The following DOCK2 variants were observed in gnomAD, a reference collection of about 807,000 sequenced individuals.
The protein encoded by DOCK2 is dedicator of cytokinesis 2, also known as dedicator of cytokinesis protein 2.
DOCK2 carries 87 observed loss-of-function variants against 248.9 expected under a neutral mutation model. The observed-to-expected ratio is 0.35, with a 90% CI of 0.29 to 0.42. The LOEUF (loss-of-function observed/expected upper bound fraction) is 0.42. DOCK2 is among the 10% of genes least tolerant of loss of function. The pLI is 1.00. For missense variants in DOCK2, 1,747 were observed against 2,300.2 expected (o/e 0.76, Z 4.92); for synonymous variants, 805 against 821.6 (o/e 0.98, Z 0.35).
chr5:169,737,492 G>T lies in DOCK2; in HGVS notation c.2268-9904G>T, dbSNP rs1376135260. Reference sequence around the variant, plus strand: ...CTAGAATCCTTAGAATCTCCAAAAAGTGATGTCTTTTTGCATGCTAATGAG... The same window carrying T: ...CTAGAATCCTTAGAATCTCCAAAAATTGATGTCTTTTTGCATGCTAATGAG... On this transcript the variant is annotated intron_variant, in intron 22 of 51. Coordinates refer to ENST00000520908, the MANE Select transcript of DOCK2 (RefSeq NM_004946.3). Among the ~76,000 whole-genome samples the T allele has an allele frequency of 1.3e-5, 2 of 152,148 alleles. 1 individual carries two copies. The highest frequency in any genetic ancestry group is 1.3e-4 in the Admixed American group (2 of 15,282).
rs368116750 is a variant in DOCK2, at chr5:170,055,091, C to A, written c.4214-214C>A. Among the ~76,000 whole-genome samples the A allele has an allele frequency of 1.1e-3, 171 of 152,218 alleles. 3 individuals carry two copies. In the South Asian group the frequency reaches 0.031, roughly 28 times the overall value. Reference sequence around the variant, plus strand: ...GACAACTCTGTTTGTAGGGGCTGAGCCCTGGCATAAGGTTGCAGGGTGACA... The same window carrying A: ...GACAACTCTGTTTGTAGGGGCTGAGACCTGGCATAAGGTTGCAGGGTGACA... On this transcript the variant is annotated intron_variant, in intron 41 of 51. Transcript: ENST00000520908.
In DOCK2 at chr5:169,684,069, T is replaced by C. The variant is rs1759819733; in HGVS notation, c.607-127T>C. 4 of 1,095,108 alleles carry C rather than the reference T, an allele frequency of 3.7e-6. No homozygotes were observed. The East Asian group carries it at 9.6e-5, about 26-fold the overall frequency. 67.8% of individuals were successfully genotyped at this position (1,095,108 alleles called of 1,614,324 possible). A position where few individuals can be genotyped will look rare whatever the true frequency, so the allele number is the denominator to read the frequency against. ...TGATTCAGGTTACAGAAGCTTTTGATGGCAGAGCTGGATGGAATGCCCAAA... is the reference window on the plus strand; with the variant it reads ...TGATTCAGGTTACAGAAGCTTTTGACGGCAGAGCTGGATGGAATGCCCAAA... On this transcript the variant is annotated intron_variant, in intron 7 of 51. Transcript: ENST00000520908.
chr5:169,715,468 A>G (rs959247715), intron 19 of DOCK2, among the ~76,000 whole-genome samples: 2 of 152,026 alleles, frequency 1.3e-5, no homozygotes, highest in African/African-American at 4.8e-5. Flanking sequence ...TGACCCATCT[A>G]CCTCGTTCAG....
intron 1 of DOCK2, among the ~76,000 whole-genome samples, chr5:169,640,029 T>G (rs1466443163): frequency 6.6e-6 from 1 of 152,256 alleles, no homozygotes; most frequent in Admixed American, 6.5e-5. Context: ...TCTTCATTGC[T>G]TTCTGTGCAG....
In DOCK2 at chr5:169,711,987, G is replaced by A; in HGVS notation, c.1535G>A (p.Arg512Gln). ...AGGATCCATCTGCGATTCATGTTTCGACATCGGTCATCTCTGGAATGTGAG... is the reference window on the plus strand; with the variant it reads ...AGGATCCATCTGCGATTCATGTTTCAACATCGGTCATCTCTGGAATGTGAG... The part of the protein sequence containing the change: ...MQRIHLRFMF[R>Q]HRSSLESKDK... The change falls in exon 16 of 52, where the codon CGA becomes CAA. Residue 512 changes from arginine to glutamine, a missense_variant. Arg to Gln is a conservative substitution (Grantham distance 43). Around this residue, in one of 4 missense-constraint regions of DOCK2, gnomAD observed 858 missense variants for 1,183.5 expected, o/e 0.72. Coordinates refer to ENST00000520908, the MANE Select transcript of DOCK2 (RefSeq NM_004946.3). 5 of 1,614,066 alleles carry A rather than the reference G, an allele frequency of 3.1e-6. No homozygotes were observed. The highest frequency in any genetic ancestry group is 1.1e-5 in the South Asian group (1 of 91,088).
At chr5:169,951,414 A>T (rs1776658735) in intron 27 of DOCK2, among the ~76,000 whole-genome samples, 1 of 152,160 alleles carries the variant, frequency 6.6e-6, no homozygotes, top group Non-Finnish European at 1.5e-5. Context: ...GATCTTCTGG[A>T]TACCATTGCA....
intron 22 of DOCK2, among the ~76,000 whole-genome samples, chr5:169,722,662 G>A (rs1202573619): frequency 1.3e-5 from 2 of 152,180 alleles, no homozygotes; most frequent in Non-Finnish European, 2.9e-5. Flanking sequence ...ATGAGATTAT[G>A]GGTACAAAGT....
chr5:169,808,993 ATT>A (rs71575579), intron 26 of DOCK2, among the ~76,000 whole-genome samples: 61 of 148,364 alleles, frequency 4.1e-4, no homozygotes, highest in African/African-American at 1.1e-3. Flanking sequence ...AAGGGTTCTG[ATT>A]TTTTTTTTTT....
intron 27 of DOCK2, among the ~76,000 whole-genome samples, chr5:169,966,119 G>T (rs1777288970): frequency 6.6e-6 from 1 of 152,172 alleles, no homozygotes; most frequent in South Asian, 2.1e-4. Context: ...AAGTTGTAAG[G>T]CCTTTAAAAT....
At chr5:169,687,614 G>T (rs1440960036) in intron 8 of DOCK2, among the ~76,000 whole-genome samples, 2 of 152,126 alleles carry the variant, frequency 1.3e-5, no homozygotes, top group African/African-American at 4.8e-5. Context: ...CCAACTATAT[G>T]CTCCTAAATG....
At chr5:169,967,225 G>T (rs1777334046) in intron 27 of DOCK2, among the ~76,000 whole-genome samples, 1 of 152,186 alleles carries the variant, frequency 6.6e-6, no homozygotes, top group Admixed American at 6.5e-5. Flanking sequence ...TCAGAGGAGG[G>T]CCCTGACCAC....
chr5:169,735,656 C>T (rs1007273198), intron 22 of DOCK2, among the ~76,000 whole-genome samples: 7 of 152,086 alleles, frequency 4.6e-5, no homozygotes, highest in African/African-American at 4.8e-5. Flanking sequence ...TGCTCAGCAC[C>T]GTCATTGGCA....
chr5:169,864,758 T>C (rs1251376782), intron 27 of DOCK2, among the ~76,000 whole-genome samples: 2 of 152,206 alleles, frequency 1.3e-5, no homozygotes, highest in Non-Finnish European at 1.5e-5. Flanking sequence ...TAATCATTAA[T>C]GGGGTTTTGG....
chr5:170,080,432 C>T, intron 50 of DOCK2, 149 bp downstream of exon 50: 2 of 1,231,078 alleles, frequency 1.6e-6, no homozygotes, highest in Non-Finnish European at 2.2e-6. Flanking sequence ...CACCCACCCT[C>T]TAATCTCTCC....
intron 25 of DOCK2, among the ~76,000 whole-genome samples, chr5:169,767,185 GTCT>G (rs1315797129): frequency 2.0e-5 from 3 of 152,222 alleles, no homozygotes; most frequent in African/African-American, 4.8e-5. Flanking sequence ...CTGCATGTAT[GTCT>G]TCTTTTAAGA....
At chr5:169,913,151 A>G (rs261009) in intron 27 of DOCK2, among the ~76,000 whole-genome samples, 61,910 of 152,028 alleles carry the variant, frequency 0.41, 13,039 homozygotes, top group East Asian at 0.53. Flanking sequence ...TTTAAAGGAC[A>G]ACTATACTTT....
chr5:169,956,376 G>C (rs1272012608), intron 27 of DOCK2, among the ~76,000 whole-genome samples: 1 of 152,188 alleles, frequency 6.6e-6, no homozygotes, highest in Non-Finnish European at 1.5e-5. Context: ...GGCTGCTCCT[G>C]ATCTCATGGG....
At chr5:169,935,236 G>GCGGGAACTAAGAT (rs60663179) in intron 27 of DOCK2, among the ~76,000 whole-genome samples, 1 of 152,060 alleles carries the variant, frequency 6.6e-6, no homozygotes, top group African/African-American at 2.4e-5. Context: ...TACACTGTTT[G>GCGGGAACTAAGAT]CTGTGAGTCA....
chr5:169,996,056 A>T, intron 29 of DOCK2, 30 bp from the exon 30 acceptor site: 1 of 1,611,220 alleles, frequency 6.2e-7, no homozygotes, highest in Non-Finnish European at 8.5e-7. Flanking sequence ...TCATGCTCAG[A>T]CAGTCTGGTA....
Sources: gnomAD v4.1 joint callset for allele counts (sites outside exome capture counted in the v4.1 genomes callset) on GRCh38, gnomAD v4.1.1 for gene constraint, gnomAD v4.1.1 regional missense constraint, MANE v1.5 for transcripts, NCBI Gene and HGNC (gene_info 2026-07-23, HGNC 2026-07-21) for gene names.